The following GPC6 variants were observed in gnomAD, a reference collection of about 807,000 sequenced individuals.
GPC6 encodes the protein glypican 6, also known as glypican-6.
GPC6 carries 14 observed loss-of-function variants against 55.2 expected under a neutral mutation model. The ratio of observed to expected loss-of-function variants is 0.25; its 90% CI spans 0.17 to 0.40. The LOEUF is 0.40. Ranked by LOEUF, GPC6 falls within the 10% of genes least tolerant of loss-of-function variation. GPC6 has a pLI of 1.00. For synonymous variants in GPC6, 278 were observed against 259.6 expected (o/e 1.07, Z -0.68); for missense variants, 641 against 708.5 (o/e 0.90, Z 1.08).
At chr13:94,306,221 G>C (rs900648419) in intron 6 of GPC6, 98 bp downstream of exon 6, 2 of 1,214,276 alleles carry the variant, frequency 1.6e-6, no homozygotes, top group African/African-American at 3.0e-5. Context: ...TGTTATAAGA[G>C]TCATCTCATG....
intron 2 of GPC6, among the ~76,000 whole-genome samples, chr13:93,580,724 A>T (rs1306286009): frequency 6.6e-6 from 1 of 152,182 alleles, no homozygotes; most frequent in Non-Finnish European, 1.5e-5. Flanking sequence ...CTGACTTCAA[A>T]ATTAGTTTAT....
At chr13:93,939,380 T>C (rs1351373903) in intron 3 of GPC6, among the ~76,000 whole-genome samples, 2 of 150,910 alleles carry the variant, frequency 1.3e-5, no homozygotes, top group African/African-American at 4.8e-5. Flanking sequence ...GATGCGCCAC[T>C]GCACTCCAGC....
chr13:94,345,950 T>C (rs548240860), intron 6 of GPC6, among the ~76,000 whole-genome samples: 1 of 152,158 alleles, frequency 6.6e-6, no homozygotes, highest in Non-Finnish European at 1.5e-5. Context: ...TCTAAGCTTC[T>C]AGTGAAACTT....
chr13:94,266,163 T>TTTG (rs200729416), intron 4 of GPC6, among the ~76,000 whole-genome samples: 1 of 111,312 alleles, frequency 9.0e-6, no homozygotes. Flanking sequence ...TTTTTTTTTT[T>TTTG]GTTTGTTTGT....
intron 4 of GPC6, among the ~76,000 whole-genome samples, chr13:94,164,608 G>C (rs1273545324): frequency 6.6e-6 from 1 of 152,098 alleles, no homozygotes; most frequent in Non-Finnish European, 1.5e-5. Context: ...GGCTATTAGT[G>C]CAAAATAAAT....
chr13:93,704,757 G>A (rs1016680907), intron 2 of GPC6, among the ~76,000 whole-genome samples: 1 of 151,948 alleles, frequency 6.6e-6, no homozygotes, highest in African/African-American at 2.4e-5. Flanking sequence ...GAGCCGACTT[G>A]CAGAGAAACA....
chr13:93,839,095 A>T (rs141774436), intron 3 of GPC6, among the ~76,000 whole-genome samples: 3 of 152,286 alleles, frequency 2.0e-5, no homozygotes, highest in Non-Finnish European at 4.4e-5. Flanking sequence ...ACTGTGGCAG[A>T]TAGTTAAGTG....
chr13:93,426,867 G>A (rs1877149397), intron 1 of GPC6, among the ~76,000 whole-genome samples: 1 of 147,944 alleles, frequency 6.8e-6, no homozygotes, highest in Non-Finnish European at 1.5e-5. Context: ...GTGTAAAAGT[G>A]TTCCTATTTC....
At chr13:94,211,321 T>C (rs780417737) in intron 4 of GPC6, among the ~76,000 whole-genome samples, 13 of 152,310 alleles carry the variant, frequency 8.5e-5, no homozygotes, top group Admixed American at 3.3e-4. Flanking sequence ...ATTTATTGGA[T>C]ACAATAACTA....
At chr13:93,935,059 A>G (rs1878363877) in intron 3 of GPC6, among the ~76,000 whole-genome samples, 1 of 152,116 alleles carries the variant, frequency 6.6e-6, no homozygotes, top group Non-Finnish European at 1.5e-5. Flanking sequence ...CAGTGTTTTT[A>G]CCTTTTACTT....
At chr13:94,073,597 G>C (rs1033677013) in intron 4 of GPC6, among the ~76,000 whole-genome samples, 1 of 152,140 alleles carries the variant, frequency 6.6e-6, no homozygotes, top group Non-Finnish European at 1.5e-5. Flanking sequence ...TTATAGAAAA[G>C]AGTCATTGTG....
intron 2 of GPC6, among the ~76,000 whole-genome samples, chr13:93,719,238 T>C (rs1364675487): frequency 6.6e-6 from 1 of 152,130 alleles, no homozygotes; most frequent in Non-Finnish European, 1.5e-5. Context: ...TTCCATTAGT[T>C]TGTGTCCTCT....
At chr13:93,944,349 G>A (rs1323907420) in intron 3 of GPC6, among the ~76,000 whole-genome samples, 6 of 151,834 alleles carry the variant, frequency 4.0e-5, no homozygotes, top group African/African-American at 1.2e-4. Context: ...GACTACAGGC[G>A]CCCGCCACCA....
At chr13:93,617,074 TA>T (rs757565257) in intron 2 of GPC6, among the ~76,000 whole-genome samples, 35 of 152,094 alleles carry the variant, frequency 2.3e-4, no homozygotes, top group Non-Finnish European at 4.9e-4. Context: ...GAATTAAAGT[TA>T]TATTTAGGCC....
intron 1 of GPC6, among the ~76,000 whole-genome samples, chr13:93,383,926 T>C (rs1397905736): frequency 1.3e-5 from 2 of 152,116 alleles, no homozygotes; most frequent in African/African-American, 4.8e-5. Flanking sequence ...TATTTAACCT[T>C]TATAAAACAA....
chr13:94,335,115 T>G (rs943959062), intron 6 of GPC6, among the ~76,000 whole-genome samples: 2 of 152,052 alleles, frequency 1.3e-5, no homozygotes, highest in Non-Finnish European at 2.9e-5. Flanking sequence ...AGAAAGTACT[T>G]AAGAGTGAGT....
intron 4 of GPC6, among the ~76,000 whole-genome samples, chr13:94,277,136 G>A (rs1195634939): frequency 6.6e-6 from 1 of 152,168 alleles, no homozygotes; most frequent in Non-Finnish European, 1.5e-5. Context: ...ATTCTGACTG[G>A]CGTCAGATGG....
At chr13:93,418,520 A>G (rs566589979) in intron 1 of GPC6, among the ~76,000 whole-genome samples, 17 of 151,586 alleles carry the variant, frequency 1.1e-4, no homozygotes, top group Non-Finnish European at 1.9e-4. Context: ...ACTATACCAT[A>G]GTATTATTTT....
At chr13:93,999,653 A>G (rs1566641667) in intron 3 of GPC6, among the ~76,000 whole-genome samples, 1 of 152,202 alleles carries the variant, frequency 6.6e-6, no homozygotes, top group Non-Finnish European at 1.5e-5. Flanking sequence ...ATAGTATTCC[A>G]TTGTGTCGAC....
Sources: allele counts gnomAD v4.1 joint callset (sites outside exome capture counted in the v4.1 genomes callset), GRCh38; gene constraint gnomAD v4.1.1; transcripts MANE v1.5; gene names NCBI Gene and HGNC (gene_info 2026-07-23, HGNC 2026-07-21).